The following CFAP96 variants were observed in gnomAD, a reference collection of about 807,000 sequenced individuals.
CFAP96 encodes cilia-and flagella-associated protein 96.
chr4:185,418,162 G>A, the CFAP96 span, among the ~76,000 whole-genome samples: 3 of 151,960 alleles, frequency 2.0e-5, no homozygotes, highest in African/African-American at 7.3e-5. Context: ...TTCAGAATGC[G>A]ATTTAATTTA....
At chr4:185,427,603 T>C in the CFAP96 span, among the ~76,000 whole-genome samples, 1 of 138,952 alleles carries the variant, frequency 7.2e-6, no homozygotes, top group African/African-American at 2.7e-5. Context: ...CTACTAAAAA[T>C]ACAAAAATCA....
the CFAP96 span, among the ~76,000 whole-genome samples, chr4:185,417,846 C>A: frequency 6.6e-6 from 1 of 152,058 alleles, no homozygotes; most frequent in Non-Finnish European, 1.5e-5. Flanking sequence ...GAGTTTGAGA[C>A]CAGCGTGGCC....
the CFAP96 span, among the ~76,000 whole-genome samples, chr4:185,428,888 G>GA: frequency 6.6e-6 from 1 of 152,040 alleles, no homozygotes; most frequent in South Asian, 2.1e-4. Flanking sequence ...TGTACATCCT[G>GA]AAAAGCTGTT....
the CFAP96 span, among the ~76,000 whole-genome samples, chr4:185,443,175 A>G: frequency 2.0e-5 from 3 of 151,398 alleles, no homozygotes; most frequent in African/African-American, 7.3e-5. Context: ...GGCTCTGCTA[A>G]TTTTCTCAAT....
the CFAP96 span, among the ~76,000 whole-genome samples, chr4:185,428,033 C>T: frequency 3.3e-5 from 5 of 151,210 alleles, no homozygotes; most frequent in Admixed American, 2.6e-4. Flanking sequence ...TTGCAGTGAG[C>T]CGAGATCGCG....
chr4:185,437,074 G>A, the CFAP96 span, among the ~76,000 whole-genome samples: 1 of 151,996 alleles, frequency 6.6e-6, no homozygotes, highest in Non-Finnish European at 1.5e-5. Context: ...AATACTTTTG[G>A]GCTGATCAAG....
chr4:185,447,387 A>G, the CFAP96 span, among the ~76,000 whole-genome samples: 131 of 152,140 alleles, frequency 8.6e-4, no homozygotes, highest in Admixed American at 1.6e-3. Context: ...TCACTGTGTT[A>G]GCCAGGATGG....
the CFAP96 span, among the ~76,000 whole-genome samples, chr4:185,411,698 A>T: frequency 1.3e-5 from 2 of 152,232 alleles, no homozygotes; most frequent in Non-Finnish European, 2.9e-5. Flanking sequence ...AAGCAGATAT[A>T]GCAAAATGTT....
chr4:185,425,977 A>C, the CFAP96 span: 1 of 1,282,952 alleles, frequency 7.8e-7, no homozygotes, highest in African/African-American at 1.4e-5. Context: ...GGGCGGACCA[A>C]CTACAACTCC....
the CFAP96 span, among the ~76,000 whole-genome samples, chr4:185,411,459 A>C: frequency 3.3e-5 from 5 of 152,218 alleles, no homozygotes; most frequent in African/African-American, 9.6e-5. Context: ...GTATGAGAGA[A>C]GAAAATTATA....
At chr4:185,436,486 C>T in the CFAP96 span, 20 of 622,418 alleles carry the variant, frequency 3.2e-5, no homozygotes, top group East Asian at 4.1e-4. Flanking sequence ...CCGAGATGGG[C>T]GGATCACGAG....
the CFAP96 span, among the ~76,000 whole-genome samples, chr4:185,419,534 T>C: frequency 1.3e-5 from 2 of 152,232 alleles, no homozygotes; most frequent in Non-Finnish European, 2.9e-5. Context: ...ACTAACTATA[T>C]GATCTCACAG....
At chr4:185,419,210 C>A in the CFAP96 span, among the ~76,000 whole-genome samples, 2 of 152,078 alleles carry the variant, frequency 1.3e-5, no homozygotes, top group African/African-American at 4.8e-5. Flanking sequence ...GGGCTCACTG[C>A]AAGCTCCGCC....
chr4:185,443,635 C>T, the CFAP96 span, among the ~76,000 whole-genome samples: 1 of 151,594 alleles, frequency 6.6e-6, no homozygotes, highest in Admixed American at 6.6e-5. Flanking sequence ...AGGCGTGAGC[C>T]ACAGTGCCTG....
chr4:185,410,477 T>A, the CFAP96 span, among the ~76,000 whole-genome samples: 5 of 148,808 alleles, frequency 3.4e-5, no homozygotes, highest in African/African-American at 1.3e-4. Context: ...GATGAAACCC[T>A]GTCTCTACTA....
At chr4:185,444,804 T>G in the CFAP96 span, among the ~76,000 whole-genome samples, 2 of 152,228 alleles carry the variant, frequency 1.3e-5, no homozygotes, top group Non-Finnish European at 2.9e-5. Flanking sequence ...CCTATAAAGT[T>G]GGTGGTAGGG....
At chr4:185,432,092 G>T in the CFAP96 span, 1 of 1,551,718 alleles carries the variant, frequency 6.4e-7, no homozygotes, top group Non-Finnish European at 8.7e-7. Context: ...AAGGATTTTT[G>T]AAGGTGAAGG....
At chr4:185,436,485 G>A in the CFAP96 span, 1 of 630,874 alleles carries the variant, frequency 1.6e-6, no homozygotes, top group Non-Finnish European at 2.8e-6. Context: ...GCCGAGATGG[G>A]CGGATCACGA....
At chr4:185,422,234 C>G in the CFAP96 span, among the ~76,000 whole-genome samples, 2 of 152,324 alleles carry the variant, frequency 1.3e-5, no homozygotes, top group East Asian at 3.9e-4. Flanking sequence ...TTTATTGTAA[C>G]AATTAATGAA....
Sources: gnomAD v4.1 joint callset for allele counts (sites outside exome capture counted in the v4.1 genomes callset) on GRCh38, gnomAD v4.1.1 for gene constraint, MANE v1.5 for transcripts, NCBI Gene and HGNC (gene_info 2026-07-23, HGNC 2026-07-21) for gene names.